XRCC6: variants seen among roughly 807,000 people sequenced by gnomAD.
XRCC6 encodes the protein DNA repair protein Ku70.
XRCC6 carries 5 observed loss-of-function variants against 65.7 expected under a neutral mutation model. The observed-to-expected ratio is 0.08, with a 90% CI of 0.04 to 0.16. The LOEUF is 0.16. Among genes scored for constraint, XRCC6 ranks in the 10% least tolerant of loss-of-function variants. The probability of loss-of-function intolerance (pLI) is 1.00; values close to 1 mark genes in which losing one functional copy is unlikely to be tolerated. For synonymous variants in XRCC6, 270 were observed against 270.6 expected (o/e 1.00, Z 0.02); for missense variants, 447 against 738.1 (o/e 0.61, Z 4.57).
At chr22:41,645,329 A>C (rs929836884) in intron 6 of XRCC6, among the ~76,000 whole-genome samples, 2 of 151,972 alleles carry the variant, frequency 1.3e-5, no homozygotes, top group African/African-American at 2.4e-5. Flanking sequence ...ACAAAAAAAA[A>C]CAAACAAAAA....
chr22:41,659,690 AT>A (rs781453514), intron 11 of XRCC6, among the ~76,000 whole-genome samples: 15 of 151,802 alleles, frequency 9.9e-5, no homozygotes, highest in Non-Finnish European at 2.1e-4. Flanking sequence ...CAGTACATTC[AT>A]TCATTCATTT....
At chr22:41,623,618 A>G (rs1401570469) in intron 2 of XRCC6, among the ~76,000 whole-genome samples, 1 of 152,010 alleles carries the variant, frequency 6.6e-6, no homozygotes, top group African/African-American at 2.4e-5. Flanking sequence ...TGATCTCCTG[A>G]CCTTGTGATC....
rs780020615 is a variant in XRCC6 at position 41,663,776 on chromosome 22, G to A, written c.1791G>A (p.Gln597=). 1 of 1,613,560 alleles carries A rather than the reference G, an allele frequency of 6.2e-7. No individual in the cohort carries two copies. The highest frequency in any genetic ancestry group is 8.5e-7 in the Non-Finnish European group (1 of 1,179,880). ...GGCTGAAGAGTGGGCTGAAGAAGCA[G>A]GAGCTGCTGGAAGCCCTCACCAAGC... ...AYGLKSGLKK[Q]ELLEALTKHF... is the part of the protein sequence containing the mutation. The change falls in exon 13 of 13, where the codon CAG becomes CAA. Residue 597 remains glutamine, a synonymous_variant. Transcript: ENST00000360079.
At chr22:41,630,970 C>T (rs1289568210) in intron 3 of XRCC6, among the ~76,000 whole-genome samples, 7 of 152,232 alleles carry the variant, frequency 4.6e-5, no homozygotes, top group Non-Finnish European at 1.0e-4. Context: ...TCTCAATGAG[C>T]TGTTGGGCAC....
At chr22:41,621,704 T>TC (rs1381099592) in intron 1 of XRCC6, 4 of 411,492 alleles carry the variant, frequency 9.7e-6, no homozygotes, top group African/African-American at 8.2e-5. Flanking sequence ...GGAGCGGGAA[T>TC]CCCTCACCGT....
intron 6 of XRCC6, among the ~76,000 whole-genome samples, chr22:41,641,977 C>A (rs1426958900): frequency 1.3e-5 from 2 of 152,124 alleles, no homozygotes; most frequent in South Asian, 2.1e-4. Context: ...TTAGTAGCGA[C>A]ACAGTTTCAC....
chr22:41,641,289 G>GA (rs1239471077), intron 6 of XRCC6, among the ~76,000 whole-genome samples: 1 of 133,272 alleles, frequency 7.5e-6, no homozygotes, highest in African/African-American at 2.7e-5. Context: ...CTAAGGCCTA[G>GA]AAAAATATTA....
intron 8 of XRCC6, among the ~76,000 whole-genome samples, chr22:41,652,761 C>G (rs2068012977): frequency 6.6e-6 from 1 of 152,126 alleles, no homozygotes; most frequent in Non-Finnish European, 1.5e-5. Flanking sequence ...GCAAGCTCCG[C>G]CTCCTGAATT....
At chr22:41,629,584 T>A (rs1417607448) in intron 3 of XRCC6, among the ~76,000 whole-genome samples, 1 of 152,196 alleles carries the variant, frequency 6.6e-6, no homozygotes, top group African/African-American at 2.4e-5. Flanking sequence ...TGGGGTTTGC[T>A]TTTGGGGTGA....
chr22:41,629,841 T>G (rs28741122), intron 3 of XRCC6, among the ~76,000 whole-genome samples: 2,620 of 152,012 alleles, frequency 0.017, 75 homozygotes, highest in African/African-American at 0.059. Flanking sequence ...GGCTAATTTT[T>G]TGTGTTTTTA....
intron 6 of XRCC6, among the ~76,000 whole-genome samples, chr22:41,644,158 A>AT (rs1569090117): frequency 6.6e-6 from 1 of 152,110 alleles, no homozygotes; most frequent in African/African-American, 2.4e-5. Flanking sequence ...AAAAAAAAAA[A>AT]GAAAAATGTT....
intron 6 of XRCC6, among the ~76,000 whole-genome samples, chr22:41,640,668 A>C (rs866067209): frequency 1.3e-5 from 2 of 152,188 alleles, no homozygotes; most frequent in Admixed American, 1.3e-4. Context: ...TGAATCACTC[A>C]TTGCCACAGT....
intron 1 of XRCC6, 67 bp from the exon 2 acceptor site, chr22:41,621,923 G>A (rs1029708576): frequency 8.9e-6 from 13 of 1,466,486 alleles, no homozygotes; most frequent in African/African-American, 4.2e-5. Flanking sequence ...GATCTCACAA[G>A]AACCTAGAGG....
At chr22:41,648,400 A>G (rs1011008912) in intron 7 of XRCC6, among the ~76,000 whole-genome samples, 2 of 152,126 alleles carry the variant, frequency 1.3e-5, no homozygotes, top group African/African-American at 4.8e-5. Flanking sequence ...AAAATACTTT[A>G]TAGTTAATTA....
intron 11 of XRCC6, among the ~76,000 whole-genome samples, chr22:41,659,242 G>C (rs1050467544): frequency 6.6e-6 from 1 of 152,142 alleles, no homozygotes; most frequent in African/African-American, 2.4e-5. Context: ...GCTTAGCTGT[G>C]TCTGGCGAAA....
intron 11 of XRCC6, among the ~76,000 whole-genome samples, chr22:41,660,938 G>A (rs1257945160): frequency 6.6e-6 from 1 of 151,824 alleles, no homozygotes; most frequent in Non-Finnish European, 1.5e-5. Context: ...AGAGGCTGAG[G>A]CAGGAGAATC....
intron 1 of XRCC6, chr22:41,621,691 C>T (rs539813201): frequency 1.6e-5 from 6 of 386,452 alleles, no homozygotes; most frequent in Admixed American, 8.3e-5. Context: ...AGCATAGAAT[C>T]CTGGAGCGGG....
chr22:41,659,903 C>T (rs938778241), intron 11 of XRCC6, among the ~76,000 whole-genome samples: 1 of 151,556 alleles, frequency 6.6e-6, no homozygotes, highest in Admixed American at 6.6e-5. Flanking sequence ...CCAGGCTCAT[C>T]TTGAACTCCT....
chr22:41,663,602 C>A lies in XRCC6; in HGVS notation c.1637-20C>A. On this transcript the variant is annotated intron_variant, in intron 12 of 12. Coordinates refer to ENST00000360079, the MANE Select transcript of XRCC6 (RefSeq NM_001469.5). ...TGTATGTAGCATTTCCAGTCACTCT[C>A]TCCTGACCTTTCCCCCCAGATAATG... The A allele has an allele frequency of 1.2e-6, 2 of 1,607,032 alleles. No individual in the cohort carries two copies. The highest frequency in any genetic ancestry group is 1.1e-5 in the South Asian group (1 of 90,474).
Sources: allele counts gnomAD v4.1 joint callset (sites outside exome capture counted in the v4.1 genomes callset), GRCh38; gene constraint gnomAD v4.1.1; transcripts MANE v1.5; gene names NCBI Gene and HGNC (gene_info 2026-07-23, HGNC 2026-07-21).